The following PTPRN2 variants were observed in gnomAD, a reference collection of about 807,000 sequenced individuals.
PTPRN2 encodes receptor-type tyrosine-protein phosphatase N2.
PTPRN2 carries 74 observed loss-of-function variants against 118.8 expected under a neutral mutation model. The ratio of observed to expected loss-of-function variants is 0.62; its 90% confidence interval spans 0.52 to 0.76. The LOEUF is 0.76. PTPRN2 is among the 30% of genes least tolerant of loss of function. The probability of loss-of-function intolerance (pLI) is 0.00; values close to 1 mark genes in which losing one functional copy is unlikely to be tolerated. For synonymous variants in PTPRN2, 641 were observed against 608.0 expected (o/e 1.05, Z -0.80); for missense variants, 1,481 against 1,394.4 (o/e 1.06, Z -0.99).
intron 1 of PTPRN2, among the ~76,000 whole-genome samples, chr7:158,562,734 G>A (rs1425954408): frequency 6.6e-6 from 1 of 152,162 alleles, no homozygotes; most frequent in Non-Finnish European, 1.5e-5. Flanking sequence ...ATGGCGTGAA[G>A]GCAAAGCTCT....
At chr7:157,955,367 C>T (rs1309374769) in intron 11 of PTPRN2, among the ~76,000 whole-genome samples, 1 of 151,916 alleles carries the variant, frequency 6.6e-6, no homozygotes, top group South Asian at 2.1e-4. Flanking sequence ...GCTGGGAGAC[C>T]TATCTAGAAT....
At chr7:158,068,406 C>A (rs1810950767) in intron 11 of PTPRN2, among the ~76,000 whole-genome samples, 1 of 152,222 alleles carries the variant, frequency 6.6e-6, no homozygotes, top group Non-Finnish European at 1.5e-5. Flanking sequence ...GGCTGGACTG[C>A]AGCTGGGGCA....
chr7:158,204,661 G>C (rs1176999822), intron 4 of PTPRN2, among the ~76,000 whole-genome samples: 1 of 152,002 alleles, frequency 6.6e-6, no homozygotes, highest in Non-Finnish European at 1.5e-5. Context: ...TCACTTTCAA[G>C]AATCGGTATG....
chr7:158,171,312 T>TATACAC (rs1423658900), intron 5 of PTPRN2, among the ~76,000 whole-genome samples: 1 of 31,880 alleles, frequency 3.1e-5, no homozygotes, highest in Non-Finnish European at 6.4e-5. Context: ...TACACACATA[T>TATACAC]ATATATATAT....
chr7:157,816,356 G>A (rs1024336930), intron 12 of PTPRN2, among the ~76,000 whole-genome samples: 1 of 152,188 alleles, frequency 6.6e-6, no homozygotes, highest in Non-Finnish European at 1.5e-5. Context: ...TAAACTGGCT[G>A]TGGAGACCTT....
chr7:157,726,832 C>G (rs891131596), intron 12 of PTPRN2, among the ~76,000 whole-genome samples: 4 of 152,174 alleles, frequency 2.6e-5, no homozygotes, highest in Non-Finnish European at 4.4e-5. Context: ...CCATCTCGTT[C>G]AGAAAACACA....
intron 12 of PTPRN2, among the ~76,000 whole-genome samples, chr7:157,782,142 G>A (rs9647688): frequency 0.22 from 34,143 of 152,220 alleles, 5,787 homozygotes; most frequent in African/African-American, 0.48. Context: ...CCCAGGCCTC[G>A]CCTGCTCTGC....
chr7:157,799,826 C>A (rs550029399), intron 12 of PTPRN2, among the ~76,000 whole-genome samples: 1 of 133,874 alleles, frequency 7.5e-6, no homozygotes, highest in Admixed American at 7.2e-5. Flanking sequence ...GCACCACAGC[C>A]GGCCCCCTCC....
At chr7:157,655,802 C>T (rs1029946436) in intron 14 of PTPRN2, among the ~76,000 whole-genome samples, 4 of 152,150 alleles carry the variant, frequency 2.6e-5, no homozygotes, top group Non-Finnish European at 5.9e-5. Flanking sequence ...CACGGCCACA[C>T]ACGCGTGATC....
In PTPRN2 at chr7:158,121,284, C is replaced by A. The variant is rs560293383; in HGVS notation, c.1557-10369G>T. Among the ~76,000 whole-genome samples the A allele has an allele frequency of 4.2e-4, 64 of 152,286 alleles. 1 individual carries two copies. In the South Asian group the frequency reaches 0.013, roughly 30 times the overall value. ...TGGAGAAGGCTAGGACCGACCACAC[C>A]ACTCCAATCAGCAAAGACAGAAACT... On this transcript the variant is annotated intron_variant, in intron 9 of 22. Transcript: ENST00000389418.
Position 158,019,257 on chromosome 7 carries a change from G to A in PTPRN2, c.1723+62041C>T, listed in dbSNP as rs532372819. On this transcript the variant is annotated intron_variant, in intron 11 of 22. Coordinates refer to ENST00000389418, the MANE Select transcript of PTPRN2 (RefSeq NM_002847.5). ...TGGGGCTGTTTCTGTAATAGAGTGT[G>A]TTTTGTCACCAAATGATATTTATTT... Among the ~76,000 whole-genome samples, 6 of 152,368 alleles carry A rather than the reference G, an allele frequency of 3.9e-5. No homozygotes were observed. The East Asian group carries it at 7.7e-4, about 20-fold the overall frequency.
At chr7:158,326,129 G>A (rs893929800) in intron 2 of PTPRN2, among the ~76,000 whole-genome samples, 10 of 152,240 alleles carry the variant, frequency 6.6e-5, no homozygotes, top group African/African-American at 2.4e-4. Flanking sequence ...GGCAGCCAGG[G>A]AGGGAGCACA....
intron 5 of PTPRN2, among the ~76,000 whole-genome samples, chr7:158,169,365 C>A (rs1474442996): frequency 6.6e-6 from 1 of 151,892 alleles, no homozygotes; most frequent in Admixed American, 6.6e-5. Flanking sequence ...GTCTCTGCCT[C>A]CCAAGTAGCT....
intron 14 of PTPRN2, among the ~76,000 whole-genome samples, chr7:157,644,527 G>C (rs1384278819): frequency 6.6e-6 from 1 of 152,198 alleles, no homozygotes; most frequent in African/African-American, 2.4e-5. Context: ...GCTGGGCGCG[G>C]TGGCTCATGC....
At chr7:157,668,093 G>A (rs1004859709) in intron 13 of PTPRN2, among the ~76,000 whole-genome samples, 8 of 152,250 alleles carry the variant, frequency 5.3e-5, no homozygotes, top group East Asian at 1.9e-4. Flanking sequence ...CACAGTCCTC[G>A]CTCGCCGTAG....
At chr7:157,594,563 G>A (rs906483915) in intron 17 of PTPRN2, among the ~76,000 whole-genome samples, 2 of 152,330 alleles carry the variant, frequency 1.3e-5, no homozygotes, top group Non-Finnish European at 2.9e-5. Context: ...TCTCTGCCAG[G>A]CTCGGGGTTG....
At chr7:158,086,388 C>CCACA (rs1463721087) in intron 10 of PTPRN2, among the ~76,000 whole-genome samples, 3 of 152,208 alleles carry the variant, frequency 2.0e-5, no homozygotes, top group African/African-American at 7.2e-5. Context: ...CCTCACTCAG[C>CCACA]CACAAAGGGG....
At chr7:157,680,799 A>G (rs570072487) in intron 13 of PTPRN2, among the ~76,000 whole-genome samples, 8 of 152,354 alleles carry the variant, frequency 5.3e-5, no homozygotes, top group Admixed American at 4.6e-4. Context: ...ATTTTTAAAG[A>G]AAAAAAGTTT....
At chr7:158,387,845 C>T (rs1811616660) in intron 2 of PTPRN2, among the ~76,000 whole-genome samples, 1 of 152,156 alleles carries the variant, frequency 6.6e-6, no homozygotes, top group African/African-American at 2.4e-5. Context: ...CAGCAGGAAC[C>T]CGCCTCTGAA....
Sources: gnomAD v4.1 joint callset for allele counts (sites outside exome capture counted in the v4.1 genomes callset) on GRCh38, gnomAD v4.1.1 for gene constraint, MANE v1.5 for transcripts, NCBI Gene and HGNC (gene_info 2026-07-23, HGNC 2026-07-21) for gene names.